Variants in DMD observed in about 807,000 individuals in gnomAD.
DMD encodes the protein mutant dystrophin.
A neutral mutation model predicts 330.1 loss-of-function variants in DMD; 63 were observed. That is an observed-to-expected ratio of 0.19 (90% CI 0.16 to 0.24). DMD has a LOEUF of 0.24. DMD is among the 10% of genes least tolerant of loss of function. The pLI is 1.00. For missense variants in DMD, 3,344 were observed against 2,684.1 expected (o/e 1.25, Z -5.43); for synonymous variants, 1,223 against 959.8 (o/e 1.27, Z -5.07).
chrX:31,876,933 A>G (rs2093977398), intron 47 of DMD, among the ~76,000 whole-genome samples: 1 of 111,131 alleles, frequency 9.0e-6, no homozygotes, highest in Non-Finnish European at 1.9e-5. Flanking sequence ...ATAATATATT[A>G]TGAATAATAA....
At chrX:32,762,624 A>G (rs926674090) in intron 7 of DMD, among the ~76,000 whole-genome samples, 1 of 111,075 alleles carries the variant, frequency 9.0e-6, no homozygotes, top group Admixed American at 9.6e-5. Flanking sequence ...TTCGGCTCAG[A>G]CTGAATGGCA....
intron 7 of DMD, among the ~76,000 whole-genome samples, chrX:32,739,290 G>C (rs1351662404): frequency 1.8e-5 from 2 of 111,819 alleles, no homozygotes. Context: ...GACAAGAGTA[G>C]TGATTTAAAT....
chrX:32,263,683 C>T (rs1325407974), intron 43 of DMD, among the ~76,000 whole-genome samples: 8 of 111,729 alleles, frequency 7.2e-5, no homozygotes, highest in African/African-American at 2.0e-4. Flanking sequence ...ACATGAAACA[C>T]ATATGCTAGC....
At chrX:31,548,896 G>T (rs553730491) in intron 55 of DMD, among the ~76,000 whole-genome samples, 2 of 109,313 alleles carry the variant, frequency 1.8e-5, no homozygotes, top group East Asian at 5.7e-4. Flanking sequence ...GCAACATTTG[G>T]CCACAAAAGA....
chrX:32,610,615 G>C (rs1451267376), intron 12 of DMD, among the ~76,000 whole-genome samples: 1 of 111,211 alleles, frequency 9.0e-6, no homozygotes, highest in African/African-American at 3.3e-5. Flanking sequence ...GGCGACCTCT[G>C]ATCTGAGCAG....
chrX:31,603,252 T>G (rs1272688217), intron 55 of DMD, among the ~76,000 whole-genome samples: 1 of 111,213 alleles, frequency 9.0e-6, no homozygotes, highest in Non-Finnish European at 1.9e-5. Context: ...TAAATCAATA[T>G]TGTTGTTATT....
chrX:32,478,977 T>G (rs1179963591), intron 21 of DMD, among the ~76,000 whole-genome samples: 1 of 111,237 alleles, frequency 9.0e-6, no homozygotes, highest in Non-Finnish European at 1.9e-5. Flanking sequence ...CTGATTTATT[T>G]TCCAGGTAAG....
chrX:31,867,523 A>C (rs1335081490), intron 48 of DMD, among the ~76,000 whole-genome samples: 1 of 110,761 alleles, frequency 9.0e-6, no homozygotes, highest in Non-Finnish European at 1.9e-5. Context: ...CTTAAATAAA[A>C]TTTTTTTTAA....
intron 7 of DMD, among the ~76,000 whole-genome samples, chrX:32,703,725 TAA>T (rs759645116): frequency 3.8e-4 from 42 of 111,642 alleles, no homozygotes; most frequent in African/African-American, 1.4e-3. Flanking sequence ...AGAGGACAGT[TAA>T]AGTCATAGAA....
intron 44 of DMD, among the ~76,000 whole-genome samples, chrX:32,180,493 A>G (rs1012662221): frequency 9.0e-6 from 1 of 111,231 alleles, no homozygotes; most frequent in Non-Finnish European, 1.9e-5. Flanking sequence ...ATTTACAGAG[A>G]GAGGTGGGCT....
intron 7 of DMD, among the ~76,000 whole-genome samples, chrX:32,726,785 T>C (rs1485944862): frequency 9.0e-6 from 1 of 110,817 alleles, no homozygotes; most frequent in Non-Finnish European, 1.9e-5. Flanking sequence ...GATGTGCTAA[T>C]TACCCTGAAT....
At chrX:33,055,631 ATG>A (rs1177188197) in intron 1 of DMD, among the ~76,000 whole-genome samples, 1 of 112,068 alleles carries the variant, frequency 8.9e-6, no homozygotes, top group African/African-American at 3.2e-5. Context: ...CTCAAAGGTA[ATG>A]CTGTAGCAGT....
At position 32,234,728 on chromosome X, in the gene DMD, C is replaced by A. The variant is rs944123456; in HGVS notation, c.6291-17665G>T. ...CCAGGTAAACTGCTGACATCAGTAT[C>A]ATTCACCTTAAATACCTCAATATGG... On this transcript the variant is annotated intron_variant, in intron 43 of 78. Coordinates refer to ENST00000357033, the MANE Select transcript of DMD (RefSeq NM_004006.3). Among the ~76,000 whole-genome samples, 16 of 112,095 alleles carry A rather than the reference C, an allele frequency of 1.4e-4. No homozygotes were observed. In the South Asian group the frequency reaches 1.8e-3, roughly 13 times the overall value.
intron 55 of DMD, among the ~76,000 whole-genome samples, chrX:31,559,459 G>A (rs1411203057): frequency 3.8e-5 from 3 of 78,549 alleles, no homozygotes; most frequent in Non-Finnish European, 6.9e-5. Context: ...TGGCTAACAC[G>A]GTGAAACCCC....
At chrX:32,321,245 A>C (rs1370112573) in intron 41 of DMD, among the ~76,000 whole-genome samples, 1 of 111,304 alleles carries the variant, frequency 9.0e-6, no homozygotes, top group African/African-American at 3.3e-5. Flanking sequence ...AACTGAGTCC[A>C]TGCAACGTCA....
At chrX:31,611,571 T>C (rs759101171) in intron 55 of DMD, among the ~76,000 whole-genome samples, 14 of 111,937 alleles carry the variant, frequency 1.3e-4, no homozygotes, top group Non-Finnish European at 2.3e-4. Flanking sequence ...CAACATAAAA[T>C]TGATCATTTT....
intron 47 of DMD, among the ~76,000 whole-genome samples, chrX:31,888,188 G>C (rs2094183287): frequency 9.0e-6 from 1 of 111,602 alleles, no homozygotes; most frequent in Admixed American, 9.5e-5. Flanking sequence ...TTTTCTGTTA[G>C]TTAGCTTGAT....
At chrX:33,063,370 G>T (rs1403671800) in intron 1 of DMD, among the ~76,000 whole-genome samples, 2 of 111,548 alleles carry the variant, frequency 1.8e-5, no homozygotes, top group Non-Finnish European at 3.8e-5. Flanking sequence ...ATATTCAACA[G>T]GACTTACCTG....
At chrX:33,017,985 C>G (rs1191587724) in intron 2 of DMD, among the ~76,000 whole-genome samples, 5 of 112,290 alleles carry the variant, frequency 4.5e-5, no homozygotes, top group African/African-American at 1.6e-4. Context: ...TAAACTGAAT[C>G]AACTAGCTTC....
Sources: gnomAD v4.1 joint callset for allele counts (sites outside exome capture counted in the v4.1 genomes callset) on GRCh38, gnomAD v4.1.1 for gene constraint, MANE v1.5 for transcripts, NCBI Gene and HGNC (gene_info 2026-07-23, HGNC 2026-07-21) for gene names.